IQSEC3: variants seen among roughly 807,000 people sequenced by gnomAD.
IQSEC3 encodes the protein IQ motif and Sec7 domain ArfGEF 3.
IQSEC3 carries 50 observed loss-of-function variants against 105.4 expected under a neutral mutation model. The ratio of observed to expected loss-of-function variants is 0.47; its 90% CI spans 0.38 to 0.60. The LOEUF (loss-of-function observed/expected upper bound fraction) is 0.60, where lower values mean the gene tolerates loss of function less well. Among genes scored for constraint, IQSEC3 ranks in the 20% least tolerant of loss-of-function variants. IQSEC3 has a pLI of 0.00. For synonymous variants in IQSEC3, 708 were observed against 746.0 expected, an observed-to-expected ratio of 0.95 and a Z score of 0.83; for missense variants, 1,415 against 1,630.0, an observed-to-expected ratio of 0.87 and a Z score of 2.27.
At chr12:117,980 C>T (rs1012772008) in intron 2 of IQSEC3, among the ~76,000 whole-genome samples, 8 of 152,102 alleles carry the variant, frequency 5.3e-5, no homozygotes, top group African/African-American at 1.9e-4. Flanking sequence ...AGCGACACAG[C>T]GGGTGTGGCC....
intron 4 of IQSEC3, 24 bp from the exon 5 acceptor site, chr12:141,100 G>C (rs1555089022): frequency 6.3e-7 from 1 of 1,582,710 alleles, no homozygotes; most frequent in South Asian, 1.1e-5. Flanking sequence ...ACTCTCTACT[G>C]CTTCTCCCCA....
At chr12:102,486 A>G (rs73034028) in intron 2 of IQSEC3, among the ~76,000 whole-genome samples, 49,613 of 152,148 alleles carry the variant, frequency 0.33, 8,593 homozygotes, top group Non-Finnish European at 0.38. Context: ...AAGTGCCTTC[A>G]CTGCAGCACT....
At chr12:130,950 G>A (rs1308107147) in intron 3 of IQSEC3, among the ~76,000 whole-genome samples, 2 of 145,474 alleles carry the variant, frequency 1.4e-5, no homozygotes, top group Non-Finnish European at 3.0e-5. Flanking sequence ...TCTTGGATGG[G>A]AACAAACCCT....
At chr12:117,962 G>A (rs1254451417) in intron 2 of IQSEC3, among the ~76,000 whole-genome samples, 1 of 152,180 alleles carries the variant, frequency 6.6e-6, no homozygotes, top group African/African-American at 2.4e-5. Context: ...CAGGAGCAGG[G>A]ATGGAGCAGC....
intron 8 of IQSEC3, among the ~76,000 whole-genome samples, chr12:162,768 C>T (rs1591746185): frequency 1.3e-5 from 2 of 152,116 alleles, no homozygotes; most frequent in Admixed American, 6.5e-5. Context: ...TTGTCTTACA[C>T]GCTGGAGTAG....
intron 8 of IQSEC3, among the ~76,000 whole-genome samples, chr12:162,924 G>A (rs1363421401): frequency 6.6e-6 from 1 of 152,084 alleles, no homozygotes; most frequent in Non-Finnish European, 1.5e-5. Flanking sequence ...ACAGTGGCTG[G>A]ACTGGAACAG....
At chr12:123,467 A>G (rs566844615) in intron 2 of IQSEC3, among the ~76,000 whole-genome samples, 1 of 152,334 alleles carries the variant, frequency 6.6e-6, no homozygotes, top group Admixed American at 6.5e-5. Context: ...TTTAAAAAAG[A>G]CATCTAGAGC....
intron 2 of IQSEC3, among the ~76,000 whole-genome samples, chr12:118,904 A>G (rs1434861244): frequency 6.6e-6 from 1 of 152,228 alleles, no homozygotes; most frequent in Non-Finnish European, 1.5e-5. Flanking sequence ...ACCCCGAGTC[A>G]GCTCCCTGGC....
intron 2 of IQSEC3, among the ~76,000 whole-genome samples, chr12:112,125 A>G (rs1441912312): frequency 6.6e-6 from 1 of 152,146 alleles, no homozygotes. Flanking sequence ...GCAGCCCACA[A>G]TGCATTGCAA....
At chr12:88,564 C>T (rs1014420890) in intron 1 of IQSEC3, among the ~76,000 whole-genome samples, 1 of 152,164 alleles carries the variant, frequency 6.6e-6, no homozygotes, top group African/African-American at 2.4e-5. Context: ...AGATTCCATC[C>T]TCTGGCAGGC....
chr12:176,303 C>CCCA lies in IQSEC3; in HGVS notation c.*1271_*1273dup, dbSNP rs1939234983. ...GCCCAAGCCTGGGGAAGGGCCCCTCCCCAGCCAGACGAGAGGCAGCCACCC... is the reference window on the plus strand; with the variant it reads ...GCCCAAGCCTGGGGAAGGGCCCCTCCCCACCAGCCAGACGAGAGGCAGCCACCC... On this transcript the variant is annotated 3_prime_UTR_variant, in exon 14 of 14. Transcript: ENST00000538872. The surrounding 1 kb of genome is among the most constrained non-coding windows in gnomAD (Gnocchi z 4.0). 6.6e-6 allele frequency: 1 copy of CCCA among 152,390 alleles called. No homozygotes were observed. The highest frequency in any genetic ancestry group is 1.5e-5 in the Non-Finnish European group (1 of 68,150). 9.4% of individuals were successfully genotyped at this position (152,390 alleles called of 1,614,324 possible).
intron 3 of IQSEC3, among the ~76,000 whole-genome samples, chr12:132,611 C>T (rs1865638071): frequency 6.6e-6 from 1 of 151,984 alleles, no homozygotes; most frequent in Admixed American, 6.6e-5. Flanking sequence ...GGTGGGGGGT[C>T]CCAGGAGCTA....
chr12:116,561 TA>T (rs1250746601), intron 2 of IQSEC3, among the ~76,000 whole-genome samples: 2 of 152,262 alleles, frequency 1.3e-5, no homozygotes, highest in Non-Finnish European at 2.9e-5. Context: ...TTTTGTTTTC[TA>T]AAAGTCTTCC....
At chr12:99,653 C>T (rs10744704) in intron 2 of IQSEC3, among the ~76,000 whole-genome samples, 79,472 of 152,048 alleles carry the variant, frequency 0.52, 21,412 homozygotes, top group East Asian at 0.83. Context: ...TCCAGTCAGC[C>T]GAGGTGCCTG....
chr12:109,672 T>C (rs1438274428), intron 2 of IQSEC3, among the ~76,000 whole-genome samples: 4 of 151,950 alleles, frequency 2.6e-5, no homozygotes, highest in Non-Finnish European at 5.9e-5. Flanking sequence ...CTGCACCCTT[T>C]CCCAGCACCT....
chr12:171,285 A>T (rs1271267276), intron 13 of IQSEC3, 124 bp downstream of exon 13: 21 of 1,613,842 alleles, frequency 1.3e-5, no homozygotes, highest in Admixed American at 1.7e-5. Context: ...TCACCATTTT[A>T]CCAATTTCAA....
chr12:157,139 G>A lies in IQSEC3; in HGVS notation c.2268G>A (p.Glu756=). 1 of 1,585,442 alleles carries A rather than the reference G, an allele frequency of 6.3e-7. No homozygotes were observed. Among genetic ancestry groups the A allele is most frequent in the Admixed American group, 1.8e-5 (1 of 55,934 alleles). Residue 756 remains glutamate (E), a synonymous_variant, in exon 6 of 14, where the codon GAG becomes GAA. Coordinates refer to ENST00000538872, the MANE Select transcript of IQSEC3 (RefSeq NM_001170738.2). ...GEAQKVERLI[E]AFSQRYCMCN... ...CTCAGAAGGTGGAGCGGCTCATTGA[G>A]GCCTTCAGGTAAGGCCGCTTCCCAG...
chr12:133,191 C>A (rs1323493502), intron 3 of IQSEC3, among the ~76,000 whole-genome samples: 1 of 152,208 alleles, frequency 6.6e-6, no homozygotes, highest in African/African-American at 2.4e-5. Context: ...ACACAGCTCC[C>A]TTCTTAATTC....
Position 126,440 on chromosome 12 carries a change from A to G in IQSEC3, c.903+528A>G, listed in dbSNP as rs573548052. Among the ~76,000 whole-genome samples, 6 of 152,256 alleles carry G rather than the reference A, an allele frequency of 3.9e-5. No homozygotes were observed. The South Asian group carries it at 1.2e-3, about 32-fold the overall frequency. On this transcript the variant is annotated intron_variant, in intron 3 of 13. Coordinates refer to ENST00000538872, the MANE Select transcript of IQSEC3 (RefSeq NM_001170738.2). The stretch of plus-strand genomic sequence containing the variant: ...ATTCCATGGAGGGGCCTGGGCCTCC[A>G]TTTTCCATTCAGGAAGAGAAAGTGG...
Sources: allele counts gnomAD v4.1 joint callset (sites outside exome capture counted in the v4.1 genomes callset), GRCh38; gene constraint gnomAD v4.1.1; non-coding constraint Gnocchi (gnomAD v3.1); transcripts MANE v1.5; gene names NCBI Gene and HGNC (gene_info 2026-07-23, HGNC 2026-07-21).